Variants in PPP2R3A observed in about 807,000 individuals in gnomAD.
PPP2R3A encodes the protein serine/threonine-protein phosphatase 2A regulatory subunit B'' subunit alpha.
PPP2R3A carries 80 observed loss-of-function variants against 106.9 expected under a neutral mutation model. The observed-to-expected ratio is 0.75, with a 90% CI of 0.62 to 0.90. PPP2R3A has a LOEUF of 0.90. Ranked by LOEUF, PPP2R3A falls within the 40% of genes least tolerant of loss-of-function variation. PPP2R3A has a pLI of 0.00. For missense variants in PPP2R3A, 1,386 were observed against 1,350.4 expected (o/e 1.03, Z -0.41); for synonymous variants, 483 against 468.3 (o/e 1.03, Z -0.41).
intron 1 of PPP2R3A, among the ~76,000 whole-genome samples, chr3:135,979,963 C>T (rs1312611335): frequency 6.6e-6 from 1 of 151,874 alleles, no homozygotes; most frequent in Non-Finnish European, 1.5e-5. Context: ...TTAAAATACT[C>T]AGGGAACACG....
At chr3:136,101,716 G>A (rs545214524) in intron 10 of PPP2R3A, among the ~76,000 whole-genome samples, 4 of 152,074 alleles carry the variant, frequency 2.6e-5, no homozygotes, top group East Asian at 3.9e-4. Context: ...ATGAGCCACC[G>A]TGCCCAGCCT....
intron 3 of PPP2R3A, among the ~76,000 whole-genome samples, chr3:136,040,329 C>T (rs972679795): frequency 1.3e-5 from 2 of 152,180 alleles, no homozygotes; most frequent in Admixed American, 6.5e-5. Flanking sequence ...CATTTGAGAT[C>T]GGAAGGTCAA....
chr3:136,064,098 T>C (rs1399342990), intron 5 of PPP2R3A, among the ~76,000 whole-genome samples: 1 of 151,840 alleles, frequency 6.6e-6, no homozygotes, highest in Admixed American at 6.6e-5. Flanking sequence ...TAAAAAATGA[T>C]GAGTTCATGT....
At chr3:136,094,193 T>C (rs980749896) in intron 10 of PPP2R3A, among the ~76,000 whole-genome samples, 2 of 152,200 alleles carry the variant, frequency 1.3e-5, no homozygotes, top group Non-Finnish European at 2.9e-5. Context: ...AATAGGTTAA[T>C]GGATGCCTAA....
chr3:136,088,120 AG>A (rs1333981974), intron 9 of PPP2R3A, among the ~76,000 whole-genome samples, 189 bp downstream of exon 9: 10 of 152,152 alleles, frequency 6.6e-5, no homozygotes, highest in Non-Finnish European at 1.0e-4. Context: ...TTTCTGATTC[AG>A]GGGGTACACG....
At chr3:136,005,423 G>T (rs1484594086) in intron 2 of PPP2R3A, among the ~76,000 whole-genome samples, 1 of 152,126 alleles carries the variant, frequency 6.6e-6, no homozygotes. Context: ...CAACACTAAA[G>T]TTTAAAACAA....
intron 12 of PPP2R3A, among the ~76,000 whole-genome samples, chr3:136,104,870 T>C (rs144151427): frequency 5.3e-5 from 8 of 152,282 alleles, no homozygotes; most frequent in African/African-American, 1.9e-4. Flanking sequence ...TTCACAAAAG[T>C]GTGTGGTCTT....
At chr3:135,965,962 G>T in intron 1 of PPP2R3A, 113 bp downstream of exon 1, 1 of 153,186 alleles carries the variant, frequency 6.5e-6, no homozygotes, top group South Asian at 1.9e-4. Context: ...GCGGGGCCGG[G>T]ACCTGGGGGC....
At chr3:136,057,045 C>G (rs928180092) in intron 5 of PPP2R3A, among the ~76,000 whole-genome samples, 43 of 150,556 alleles carry the variant, frequency 2.9e-4, no homozygotes, top group African/African-American at 9.5e-4. Flanking sequence ...CAATAACATG[C>G]TGGTGAGGAT....
chr3:136,110,294 G>T (rs1420795276), intron 13 of PPP2R3A, among the ~76,000 whole-genome samples: 1 of 151,868 alleles, frequency 6.6e-6, no homozygotes, highest in African/African-American at 2.4e-5. Flanking sequence ...GACACAATCA[G>T]AACAAGACAT....
intron 2 of PPP2R3A, among the ~76,000 whole-genome samples, chr3:136,005,471 G>A (rs1174911171): frequency 2.0e-5 from 3 of 152,122 alleles, no homozygotes; most frequent in African/African-American, 7.2e-5. Context: ...GATTATTTGG[G>A]TCTAAATATC....
intron 13 of PPP2R3A, among the ~76,000 whole-genome samples, chr3:136,128,273 C>CCTGA (rs1233703812): frequency 1.3e-5 from 2 of 150,548 alleles, no homozygotes; most frequent in Non-Finnish European, 2.9e-5. Flanking sequence ...AGACCCATCT[C>CCTGA]ATGTGCAAAG....
At chr3:136,029,629 A>G (rs1934795002) in intron 3 of PPP2R3A, among the ~76,000 whole-genome samples, 1 of 152,262 alleles carries the variant, frequency 6.6e-6, no homozygotes, top group South Asian at 2.1e-4. Context: ...TGAAACTGAC[A>G]GATAACATGG....
rs879733382 is a variant in PPP2R3A at position 136,044,331 on chromosome 3, A to G, written c.2366+3369A>G. The stretch of plus-strand genomic sequence containing the variant: ...CTTAATCACTTGTTGAATGCTAACT[A>G]TATGCCAGGTATTGTGTCTGGTCTT... On this transcript the variant is annotated intron_variant, in intron 4 of 13. Coordinates refer to ENST00000264977, the MANE Select transcript of PPP2R3A (RefSeq NM_002718.5). Among the ~76,000 whole-genome samples the G allele has an allele frequency of 4.6e-5, 7 of 152,298 alleles. No homozygotes were observed. In the Middle Eastern group the frequency reaches 0.01, roughly 222 times the overall value.
chr3:136,137,967 A>G lies in PPP2R3A; in HGVS notation c.3330-7076A>G, dbSNP rs184085784. On this transcript the variant is annotated intron_variant, in intron 13 of 13. Coordinates refer to ENST00000264977, the MANE Select transcript of PPP2R3A (RefSeq NM_002718.5). The stretch of plus-strand genomic sequence containing the variant: ...TAACTAGTGAGAAGTATGAAGCCCA[A>G]CTCTCCTCAGTGAGGTGGGAGAATG... Among the ~76,000 whole-genome samples the G allele has an allele frequency of 1.4e-4, 22 of 152,230 alleles. No homozygotes were observed. The East Asian group carries it at 1.7e-3, about 12-fold the overall frequency.
At chr3:136,106,688 G>A (rs532734374) in intron 13 of PPP2R3A, 32 of 195,734 alleles carry the variant, frequency 1.6e-4, no homozygotes, top group African/African-American at 2.2e-4. Flanking sequence ...TTGGGAGGCC[G>A]AGGCGGGTGG....
chr3:136,021,219 G>A (rs964303317), intron 2 of PPP2R3A, among the ~76,000 whole-genome samples: 4 of 152,058 alleles, frequency 2.6e-5, no homozygotes. Context: ...CTAGTCGGGA[G>A]TGTAAGGAAA....
At chr3:135,967,205 A>G (rs1030575878) in intron 1 of PPP2R3A, among the ~76,000 whole-genome samples, 5 of 152,174 alleles carry the variant, frequency 3.3e-5, no homozygotes, top group African/African-American at 9.7e-5. Context: ...CTTTTATACA[A>G]TCTAGGAGCT....
At chr3:135,966,602 C>T (rs1386448202) in intron 1 of PPP2R3A, among the ~76,000 whole-genome samples, 1 of 152,014 alleles carries the variant, frequency 6.6e-6, no homozygotes, top group African/African-American at 2.4e-5. Flanking sequence ...CTGTTGTGCT[C>T]CCGTTATTCC....
Sources: gnomAD v4.1 joint callset for allele counts (sites outside exome capture counted in the v4.1 genomes callset) on GRCh38, gnomAD v4.1.1 for gene constraint, MANE v1.5 for transcripts, NCBI Gene and HGNC (gene_info 2026-07-23, HGNC 2026-07-21) for gene names.